SRRM3: variants seen among roughly 807,000 people sequenced by gnomAD.
The protein encoded by SRRM3 is serine/arginine repetitive matrix protein 3.
Under a neutral mutation model 66.2 loss-of-function variants are expected in SRRM3, and 27 were observed. The ratio of observed to expected loss-of-function variants is 0.41; its 90% CI spans 0.30 to 0.56. SRRM3 has a LOEUF of 0.56. Among genes scored for constraint, SRRM3 ranks in the 20% least tolerant of loss-of-function variants. The pLI is 0.32. For synonymous variants in SRRM3, 391 were observed against 414.9 expected (o/e 0.94, Z 0.70); for missense variants, 918 against 991.9 (o/e 0.93, Z 1.00).
chr7:76,228,309 T>C (rs1033334404), intron 1 of SRRM3, among the ~76,000 whole-genome samples: 1 of 152,232 alleles, frequency 6.6e-6, no homozygotes, highest in East Asian at 1.9e-4. Flanking sequence ...GCAGATTGGC[T>C]AGGGCCTTGC....
Position 76,221,386 on chromosome 7 carries a change from G to A in SRRM3, c.-39-13642G>A, listed in dbSNP as rs187905922. Among the ~76,000 whole-genome samples, 708 of 74,374 alleles carry A rather than the reference G, an allele frequency of 9.5e-3. 12 individuals are homozygous for A. Among genetic ancestry groups the A allele is most frequent in the African/African-American group, 0.075 (654 of 8,730 alleles). 48.8% of individuals were successfully genotyped at this position (74,374 alleles called of 152,430 possible). A position where few individuals can be genotyped will look rare whatever the true frequency, so the allele number is the denominator to read the frequency against. The stretch of plus-strand genomic sequence containing the variant: ...TTTTTTTTTTTTTTTTTTTTGAGAC[G>A]GAGTCTCGCTCTGTCGCCCAGGCTG... On this transcript the variant is annotated intron_variant, in intron 1 of 14. Coordinates refer to ENST00000611745, the MANE Select transcript of SRRM3 (RefSeq NM_001110199.3).
At chr7:76,236,433 C>T (rs1801156333) in intron 2 of SRRM3, among the ~76,000 whole-genome samples, 1 of 127,390 alleles carries the variant, frequency 7.8e-6, no homozygotes, top group Non-Finnish European at 1.6e-5. Context: ...CGGAAATTCC[C>T]TACACGGGGT....
chr7:76,222,616 T>C (rs1371655601), intron 1 of SRRM3, among the ~76,000 whole-genome samples: 2 of 151,626 alleles, frequency 1.3e-5, no homozygotes, highest in Non-Finnish European at 2.9e-5. Flanking sequence ...TTTTGTTTTG[T>C]TTTTTTAATT....
At chr7:76,264,579 C>G (rs1273143579) in intron 8 of SRRM3, among the ~76,000 whole-genome samples, 186 bp from the exon 9 acceptor site, 2 of 152,070 alleles carry the variant, frequency 1.3e-5, no homozygotes, top group African/African-American at 2.4e-5. Flanking sequence ...GGAGGAAGGC[C>G]GGAGCTTTGG....
intron 3 of SRRM3, among the ~76,000 whole-genome samples, chr7:76,251,397 C>G (rs1448649696): frequency 3.4e-4 from 50 of 146,696 alleles, no homozygotes; most frequent in Admixed American, 1.1e-3. Flanking sequence ...TTTTTTGAGA[C>G]GGAGTCTCGC....
At chr7:76,264,648 C>A in intron 8 of SRRM3, 117 bp from the exon 9 acceptor site, 1 of 1,071,098 alleles carries the variant, frequency 9.3e-7, no homozygotes, top group African/African-American at 1.6e-5. Flanking sequence ...AGCCATGGGG[C>A]TTAGGCCCTA....
intron 11 of SRRM3, among the ~76,000 whole-genome samples, chr7:76,278,249 G>A (rs1168771277): frequency 1.3e-5 from 2 of 152,062 alleles, no homozygotes; most frequent in Non-Finnish European, 2.9e-5. Context: ...CACTTTGGGA[G>A]GCCGAGGCAG....
intron 14 of SRRM3, chr7:76,283,374 A>G: frequency 1.9e-6 from 1 of 534,744 alleles, no homozygotes; most frequent in Non-Finnish European, 3.4e-6. Flanking sequence ...GGGCCCATGA[A>G]GGGGAGGGGG....
intron 1 of SRRM3, among the ~76,000 whole-genome samples, chr7:76,208,913 G>C (rs1214799252): frequency 6.6e-6 from 1 of 151,032 alleles, no homozygotes; most frequent in African/African-American, 2.4e-5. Context: ...GAGGGAGAGA[G>C]GGAGAAAGGA....
At position 76,283,227 on chromosome 7, in the gene SRRM3, G is replaced by A. The variant is rs1221162081; in HGVS notation, c.1733+126G>A. 32 of 995,336 alleles carry A rather than the reference G, an allele frequency of 3.2e-5. No individual in the cohort carries two copies. In the Admixed American group the frequency reaches 6.9e-4, roughly 21 times the overall value. The allele number at this position is 995,336 out of a possible 1,614,324, so 61.7% of individuals were successfully genotyped here. A position where few individuals can be genotyped will look rare whatever the true frequency, so the allele number is the denominator to read the frequency against. ...GAACCTGGCACGGGGATGGGGGGGG[G>A]TGCTAAGGGACAATGAGTGGGTTCT... On this transcript the variant is annotated intron_variant, in intron 14 of 14. Transcript: ENST00000611745.
In SRRM3 at chr7:76,235,353, G is replaced by A. The variant is rs1391819669; in HGVS notation, c.233+54G>A. 4 of 1,399,024 alleles carry A rather than the reference G, an allele frequency of 2.9e-6. No homozygotes were observed. In the East Asian group the frequency reaches 7.9e-5, roughly 28 times the overall value. The allele number at this position is 1,399,024 out of a possible 1,614,324, so 86.7% of individuals were successfully genotyped here. ...TGGGGAGATAGGCGGGGCGAGGGTGGGAGAAGCGAGTGATGCTGCACGTGG... is the reference window on the plus strand; with the variant it reads ...TGGGGAGATAGGCGGGGCGAGGGTGAGAGAAGCGAGTGATGCTGCACGTGG... On this transcript the variant is annotated intron_variant, in intron 2 of 14. Transcript: ENST00000611745.
intron 1 of SRRM3, among the ~76,000 whole-genome samples, chr7:76,211,142 T>C (rs1554601657): frequency 6.6e-6 from 1 of 152,244 alleles, no homozygotes; most frequent in Non-Finnish European, 1.5e-5. Flanking sequence ...CTAGGGGTTA[T>C]GTAGCAGCAT....
chr7:76,238,378 C>G (rs1202640035), intron 2 of SRRM3, among the ~76,000 whole-genome samples: 1 of 152,180 alleles, frequency 6.6e-6, no homozygotes, highest in Non-Finnish European at 1.5e-5. Flanking sequence ...CGTTTATTTA[C>G]CGGGTTCTCG....
At chr7:76,237,025 G>A (rs1554605041) in intron 2 of SRRM3, among the ~76,000 whole-genome samples, 1 of 152,182 alleles carries the variant, frequency 6.6e-6, no homozygotes. Context: ...CGGCACTTTG[G>A]GAGGCCGAAG....
At chr7:76,203,515 G>A (rs895844268) in intron 1 of SRRM3, among the ~76,000 whole-genome samples, 1 of 152,208 alleles carries the variant, frequency 6.6e-6, no homozygotes, top group African/African-American at 2.4e-5. Flanking sequence ...GTAAATAGGA[G>A]ACAAGTAAGA....
intron 2 of SRRM3, among the ~76,000 whole-genome samples, chr7:76,236,321 A>G (rs1416601465): frequency 1.3e-5 from 2 of 151,374 alleles, no homozygotes; most frequent in Admixed American, 6.6e-5. Context: ...AAAAAAAAAA[A>G]AAAGAAAAGA....
intron 1 of SRRM3, among the ~76,000 whole-genome samples, chr7:76,216,535 C>G (rs1033560732): frequency 2.2e-4 from 33 of 152,336 alleles, no homozygotes; most frequent in African/African-American, 7.7e-4. Context: ...CCTGGCCTGT[C>G]TTCCTGAGAG....
chr7:76,262,060 C>T (rs925373665), intron 8 of SRRM3, among the ~76,000 whole-genome samples: 1 of 151,804 alleles, frequency 6.6e-6, no homozygotes, highest in African/African-American at 2.4e-5. Flanking sequence ...ATGGAGCCAT[C>T]CTCCACCCAG....
chr7:76,225,406 G>A (rs1800834567), intron 1 of SRRM3, among the ~76,000 whole-genome samples: 1 of 152,072 alleles, frequency 6.6e-6, no homozygotes, highest in Non-Finnish European at 1.5e-5. Flanking sequence ...CTCTGGGGAG[G>A]CATGCCTCTG....
Sources: gnomAD v4.1 joint callset for allele counts (sites outside exome capture counted in the v4.1 genomes callset) on GRCh38, gnomAD v4.1.1 for gene constraint, MANE v1.5 for transcripts, NCBI Gene and HGNC (gene_info 2026-07-23, HGNC 2026-07-21) for gene names.